SLCO1A2: variants seen among roughly 807,000 people sequenced by gnomAD.
SLCO1A2 encodes solute carrier organic anion transporter family member 1A2.
A neutral mutation model predicts 69.0 loss-of-function variants in SLCO1A2; 67 were observed. The observed-to-expected ratio is 0.97, with a 90% CI of 0.80 to 1.19. The LOEUF is 1.19. SLCO1A2 is among the 50% of genes most tolerant of loss of function. The pLI is 0.00. For synonymous variants in SLCO1A2, 260 were observed against 265.9 expected (o/e 0.98, Z 0.22); for missense variants, 787 against 793.7 (o/e 0.99, Z 0.10).
At chr12:21,345,354 G>A (rs1456359438) in intron 2 of SLCO1A2, among the ~76,000 whole-genome samples, 1 of 152,004 alleles carries the variant, frequency 6.6e-6, no homozygotes, top group African/African-American at 2.4e-5. Flanking sequence ...TGTAAGCAAA[G>A]TAGTCTTGAA....
chr12:21,355,957 A>G (rs1434495312), intron 2 of SLCO1A2, among the ~76,000 whole-genome samples: 7 of 152,190 alleles, frequency 4.6e-5, no homozygotes. Context: ...TTGAATGAGT[A>G]ACAGCATATC....
intron 6 of SLCO1A2, among the ~76,000 whole-genome samples, chr12:21,302,511 C>T (rs1000188698): frequency 1.3e-5 from 2 of 151,984 alleles, no homozygotes; most frequent in Non-Finnish European, 1.5e-5. Context: ...TGTTCTTCCA[C>T]AGCAACCTTA....
chr12:21,299,767 TGTGTATATATATATATATATATAC>T (rs1948320113), intron 8 of SLCO1A2, among the ~76,000 whole-genome samples: 4 of 122,166 alleles, frequency 3.3e-5, no homozygotes, highest in African/African-American at 1.1e-4. Flanking sequence ...TATATATACG[TGTGTATATATATATATATATATAC>T]ACACACACGT....
chr12:21,400,889 A>T (rs1167018510), intron 1 of SLCO1A2, among the ~76,000 whole-genome samples: 106 of 55,912 alleles, frequency 1.9e-3, no homozygotes, highest in African/African-American at 7.4e-3. Flanking sequence ...GGGTGGGGGG[A>T]GGGGGGAGGG....
intron 13 of SLCO1A2, 48 bp from the exon 14 acceptor site, chr12:21,274,634 T>A (rs1943465625): frequency 1.7e-6 from 2 of 1,176,934 alleles, no homozygotes; most frequent in Non-Finnish European, 2.5e-6. Flanking sequence ...ATTAAGATAC[T>A]TGATTTATTT....
rs1359195486 is a variant in SLCO1A2, at chr12:21,306,962, A to G, written c.362T>C (p.Val121Ala). The change falls in exon 5 of 15, where the codon GTT (valine) becomes GCT (alanine). Residue 121 changes from valine (V) to alanine (A), a missense_variant. Val to Ala is a moderately conservative substitution (Grantham distance 64). Transcript: ENST00000683939. The part of the protein sequence containing the change: ...NQYEYESTVS[V>A]SGNLSSNSFL... ...ACTGTTTGAGGACAAGTTGCCTGAA[A>G]CTGAAACTGTAGATTCATATTCATA... 6.2e-7 allele frequency: 1 copy of G among 1,613,200 alleles called. No homozygotes were observed. The highest frequency in any genetic ancestry group is 1.7e-5 in the Admixed American group (1 of 59,998).
chr12:21,285,500 T>C (rs1330791513), intron 12 of SLCO1A2, among the ~76,000 whole-genome samples: 1 of 137,550 alleles, frequency 7.3e-6, no homozygotes, highest in Admixed American at 7.5e-5. Flanking sequence ...CCTCCCTAAC[T>C]CATTTTATGA....
intron 1 of SLCO1A2, among the ~76,000 whole-genome samples, chr12:21,383,940 C>A (rs1940736785): frequency 6.8e-6 from 1 of 147,854 alleles, no homozygotes; most frequent in Non-Finnish European, 1.5e-5. Flanking sequence ...AATGAAAAAA[C>A]AAATTATTTT....
intron 2 of SLCO1A2, among the ~76,000 whole-genome samples, chr12:21,350,880 G>C (rs1325415034): frequency 6.7e-6 from 1 of 148,718 alleles, no homozygotes; most frequent in Non-Finnish European, 1.5e-5. Flanking sequence ...GTTTCTCTGG[G>C]AGGTGAAATT....
chr12:21,289,574 A>G (rs1946508572), intron 12 of SLCO1A2, among the ~76,000 whole-genome samples: 1 of 152,176 alleles, frequency 6.6e-6, no homozygotes, highest in South Asian at 2.1e-4. Context: ...AAACATATCC[A>G]CATGCCAGGA....
At chr12:21,391,145 T>C (rs945768432) in intron 1 of SLCO1A2, among the ~76,000 whole-genome samples, 5 of 152,204 alleles carry the variant, frequency 3.3e-5, no homozygotes, top group African/African-American at 9.6e-5. Context: ...TCTGACATTA[T>C]AGTTCATACT....
chr12:21,275,056 C>T (rs1943545648), intron 13 of SLCO1A2: 2 of 1,020,262 alleles, frequency 2.0e-6, no homozygotes. Context: ...TGCTAGACTG[C>T]TTTTCTGAAA....
At chr12:21,348,153 T>C (rs540205125) in intron 2 of SLCO1A2, among the ~76,000 whole-genome samples, 141 of 152,308 alleles carry the variant, frequency 9.3e-4, no homozygotes, top group Non-Finnish European at 1.6e-3. Flanking sequence ...ATGGGGTACA[T>C]GAGAAGGGGT....
intron 1 of SLCO1A2, among the ~76,000 whole-genome samples, chr12:21,382,075 C>A (rs1355345576): frequency 1.3e-5 from 2 of 152,144 alleles, no homozygotes; most frequent in African/African-American, 2.4e-5. Context: ...GTGAAGCCAA[C>A]CTAAGTGCCC....
intron 1 of SLCO1A2, among the ~76,000 whole-genome samples, chr12:21,415,840 C>T (rs1591923835): frequency 1.3e-5 from 2 of 151,946 alleles, no homozygotes; most frequent in African/African-American, 4.8e-5. Flanking sequence ...AAAGTTAGCA[C>T]TTTTCCATTA....
chr12:21,358,654 TAATTAAA>T (rs1938566630), intron 2 of SLCO1A2, among the ~76,000 whole-genome samples: 1 of 152,078 alleles, frequency 6.6e-6, no homozygotes, highest in Non-Finnish European at 1.5e-5. Context: ...TAATTTTTTA[TAATTAAA>T]AATTAACTTT....
chr12:21,392,370 G>A (rs560652012), intron 1 of SLCO1A2, among the ~76,000 whole-genome samples: 76 of 152,150 alleles, frequency 5.0e-4, no homozygotes, highest in Non-Finnish European at 1.3e-4. Context: ...TTCACCTCCT[G>A]GCAGGTGGAT....
intron 2 of SLCO1A2, among the ~76,000 whole-genome samples, chr12:21,352,520 G>A (rs1488838630): frequency 6.6e-6 from 1 of 152,184 alleles, no homozygotes; most frequent in Non-Finnish European, 1.5e-5. Context: ...ATGTGTGGTT[G>A]TGTCTGAAAA....
rs1198827976 is a variant in SLCO1A2 at position 21,285,708 on chromosome 12, G to A, written c.1610+6456C>T. Among the ~76,000 whole-genome samples, 322 of 144,404 alleles carry A rather than the reference G, an allele frequency of 2.2e-3. 1 individual carries two copies. Among genetic ancestry groups the A allele is most frequent in the African/African-American group, 7.2e-3 (278 of 38,718 alleles). The allele number at this position is 144,404 out of a possible 152,430, so 94.7% of individuals were successfully genotyped here. Reference sequence around the variant, plus strand: ...GGGATGCAAGGCTGGTTCAATATACGCAAATCAATAAATGTAATCCAGCAT... The same window carrying A: ...GGGATGCAAGGCTGGTTCAATATACACAAATCAATAAATGTAATCCAGCAT... On this transcript the variant is annotated intron_variant, in intron 12 of 14. Transcript: ENST00000683939.
Sources: allele counts gnomAD v4.1 joint callset (sites outside exome capture counted in the v4.1 genomes callset), GRCh38; gene constraint gnomAD v4.1.1; transcripts MANE v1.5; gene names NCBI Gene and HGNC (gene_info 2026-07-23, HGNC 2026-07-21).